Variants in LRRC18 observed in about 807,000 individuals in gnomAD.
The protein encoded by LRRC18 is leucine rich repeat containing 18.
Under a neutral mutation model 11.2 loss-of-function variants are expected in LRRC18, and 12 were observed. The observed-to-expected ratio is 1.07, with a 90% CI of 0.69 to 1.74. LRRC18 has a LOEUF of 1.74. Among genes scored for constraint, LRRC18 ranks in the 40% most tolerant of loss-of-function variants. The pLI is 0.00. For synonymous variants in LRRC18, 155 were observed against 130.6 expected, an observed-to-expected ratio of 1.19 and a Z score of -1.27; for missense variants, 374 against 330.5, an observed-to-expected ratio of 1.13 and a Z score of -1.02.
chr10:48,931,812 CT>C, the LRRC18 span, among the ~76,000 whole-genome samples: 1 of 152,198 alleles, frequency 6.6e-6, no homozygotes, highest in South Asian at 2.1e-4. Context: ...TAGACACTGC[CT>C]CCAATAAGAG....
chr10:48,918,604 G>T (rs1300870434), upstream of LRRC18, among the ~76,000 whole-genome samples: 2 of 152,172 alleles, frequency 1.3e-5, no homozygotes, highest in African/African-American at 2.4e-5. Context: ...AGGAAAAATG[G>T]ATAAATTTAC....
chr10:48,927,442 T>C, the LRRC18 span, among the ~76,000 whole-genome samples: 2 of 152,198 alleles, frequency 1.3e-5, no homozygotes, highest in Non-Finnish European at 2.9e-5. Flanking sequence ...AGCACTTCTG[T>C]GGGATGCGTT....
At chr10:48,910,338 G>A in intron 1 of LRRC18, 80 bp from the exon 4 acceptor site, 3 of 1,235,646 alleles carry the variant, frequency 2.4e-6, no homozygotes, top group Non-Finnish European at 3.6e-6. Flanking sequence ...GGTCACACCA[G>A]CTCACCAAGG....
chr10:48,919,841 T>C, the LRRC18 span, among the ~76,000 whole-genome samples: 5 of 150,916 alleles, frequency 3.3e-5, no homozygotes, highest in African/African-American at 2.4e-5. Context: ...TGCAAAGACA[T>C]ACTAGCAATT....
the LRRC18 span, chr10:48,932,349 A>G: frequency 2.0e-5 from 3 of 152,210 alleles, no homozygotes; most frequent in African/African-American, 4.8e-5. Flanking sequence ...TTGGAGAACA[A>G]TCTTTGCTGA....
At chr10:48,938,602 G>T in the LRRC18 span, among the ~76,000 whole-genome samples, 1 of 152,222 alleles carries the variant, frequency 6.6e-6, no homozygotes, top group African/African-American at 2.4e-5. Flanking sequence ...GCCCAAGGGA[G>T]AAGAGTCAAA....
At chr10:48,934,884 A>C in the LRRC18 span, among the ~76,000 whole-genome samples, 148,270 of 152,284 alleles carry the variant, frequency 0.97, 72,308 homozygotes, top group East Asian at 1. Flanking sequence ...CAAAGCACCA[A>C]TGACTTGCAC....
At chr10:48,934,803 C>T in the LRRC18 span, among the ~76,000 whole-genome samples, 42 of 152,270 alleles carry the variant, frequency 2.8e-4, no homozygotes, top group East Asian at 4.4e-3. Flanking sequence ...AACACATCTC[C>T]GCCTAGCCTG....
At chr10:48,913,575 C>T in exon 1 of LRRC18, 1 of 1,614,130 alleles carries the variant, frequency 6.2e-7, no homozygotes, top group Non-Finnish European at 8.5e-7. Flanking sequence ...GTTCTCCAGC[C>T]TCCTGATGGA....
the LRRC18 span, among the ~76,000 whole-genome samples, chr10:48,934,159 A>C: frequency 6.6e-6 from 1 of 152,170 alleles, no homozygotes; most frequent in Non-Finnish European, 1.5e-5. Flanking sequence ...CTGAGTCCCC[A>C]TTTCATTGGC....
upstream of LRRC18, among the ~76,000 whole-genome samples, chr10:48,915,425 T>C (rs946028580): frequency 6.6e-6 from 1 of 151,178 alleles, no homozygotes; most frequent in Non-Finnish European, 1.5e-5. Context: ...TGATTTTTTT[T>C]TTTGGACCAA....
At chr10:48,921,006 T>G in the LRRC18 span, among the ~76,000 whole-genome samples, 1 of 152,130 alleles carries the variant, frequency 6.6e-6, no homozygotes, top group South Asian at 2.1e-4. Flanking sequence ...GCAAAGAAGA[T>G]CTAAATAAAT....
the LRRC18 span, among the ~76,000 whole-genome samples, chr10:48,920,532 A>C: frequency 6.6e-6 from 1 of 152,236 alleles, no homozygotes; most frequent in African/African-American, 2.4e-5. Flanking sequence ...ACAATTGAAA[A>C]AAAAGAAAAA....
At chr10:48,926,669 T>C in the LRRC18 span, among the ~76,000 whole-genome samples, 1 of 152,238 alleles carries the variant, frequency 6.6e-6, no homozygotes, top group African/African-American at 2.4e-5. Flanking sequence ...AGATGTACCA[T>C]ATATATGTGG....
chr10:48,923,315 G>A, the LRRC18 span, among the ~76,000 whole-genome samples: 1 of 151,866 alleles, frequency 6.6e-6, no homozygotes, highest in Non-Finnish European at 1.5e-5. Flanking sequence ...CAGAAAAACT[G>A]TCTACTGTGC....
chr10:48,919,857 T>C, the LRRC18 span, among the ~76,000 whole-genome samples: 2 of 137,766 alleles, frequency 1.5e-5, no homozygotes, highest in East Asian at 1.9e-4. Context: ...CAATTTGATA[T>C]GATCTCTTTC....
At chr10:48,931,955 G>A in the LRRC18 span, among the ~76,000 whole-genome samples, 3 of 152,178 alleles carry the variant, frequency 2.0e-5, no homozygotes, top group Non-Finnish European at 4.4e-5. Flanking sequence ...TAGTCATGCC[G>A]GCTGTCCCTT....
intron 1 of LRRC18, among the ~76,000 whole-genome samples, chr10:48,911,606 G>A (rs1838010734): frequency 6.6e-6 from 1 of 152,076 alleles, no homozygotes; most frequent in Non-Finnish European, 1.5e-5. Flanking sequence ...TTAATACCAG[G>A]TAACAGCATG....
At chr10:48,938,964 C>A in the LRRC18 span, among the ~76,000 whole-genome samples, 1 of 152,192 alleles carries the variant, frequency 6.6e-6, no homozygotes, top group Admixed American at 6.5e-5. Context: ...CGCCACAATC[C>A]TCACTGGCTT....
Sources: gnomAD v4.1 joint callset for allele counts (sites outside exome capture counted in the v4.1 genomes callset) on GRCh38, gnomAD v4.1.1 for gene constraint, MANE v1.5 for transcripts, NCBI Gene and HGNC (gene_info 2026-07-23, HGNC 2026-07-21) for gene names.